Variants in LRRTM4 observed in about 807,000 individuals in gnomAD.
LRRTM4 encodes the protein leucine-rich repeat transmembrane neuronal protein 4.
A neutral mutation model predicts 47.6 loss-of-function variants in LRRTM4; 25 were observed. That is an observed-to-expected ratio of 0.53 (90% confidence interval 0.38 to 0.73). The LOEUF (loss-of-function observed/expected upper bound fraction) is 0.73. Ranked by LOEUF, LRRTM4 falls within the 30% of genes least tolerant of loss-of-function variation. The pLI is 0.00. For missense variants in LRRTM4, 638 were observed against 713.4 expected, an observed-to-expected ratio of 0.89 and a Z score of 1.20; for synonymous variants, 311 against 269.5, an observed-to-expected ratio of 1.15 and a Z score of -1.51.
At chr2:77,465,004 A>G (rs1490332473) in intron 3 of LRRTM4, among the ~76,000 whole-genome samples, 1 of 152,194 alleles carries the variant, frequency 6.6e-6, no homozygotes, top group African/African-American at 2.4e-5. Flanking sequence ...GAATCTAATT[A>G]TTCTTTACCT....
Position 77,303,371 on chromosome 2 carries a change from A to C in LRRTM4, c.1551+214947T>G, listed in dbSNP as rs1677190406. On this transcript the variant is annotated intron_variant, in intron 3 of 3. Transcript: ENST00000409884. ...CTTAAAAGTAGACTTGACTGAAGCC[A>C]GCGGATTTTAGCAGAGAAGACATTT... Among the ~76,000 whole-genome samples the C allele has an allele frequency of 2.6e-5, 4 of 152,224 alleles. No individual in the cohort carries two copies. In the South Asian group the frequency reaches 8.3e-4, roughly 32 times the overall value.
chr2:77,244,403 A>G (rs1189833438), intron 3 of LRRTM4, among the ~76,000 whole-genome samples: 1 of 152,138 alleles, frequency 6.6e-6, no homozygotes, highest in Non-Finnish European at 1.5e-5. Flanking sequence ...TAAAGCATTC[A>G]TATTAATTTT....
chr2:76,842,737 TTGTC>T (rs1239319723), intron 3 of LRRTM4, among the ~76,000 whole-genome samples: 10 of 149,402 alleles, frequency 6.7e-5, no homozygotes, highest in African/African-American at 2.5e-4. Context: ...TTTTGTTTGT[TTGTC>T]TGTTTTTAAG....
At chr2:77,249,489 TA>T (rs34249922) in intron 3 of LRRTM4, among the ~76,000 whole-genome samples, 83,321 of 150,270 alleles carry the variant, frequency 0.55, 23,345 homozygotes, top group African/African-American at 0.61. Flanking sequence ...TTGAAAATAT[TA>T]AAAAAAAAAC....
rs528078038 is a variant in LRRTM4 at position 77,131,452 on chromosome 2, G to C, written c.1552-382536C>G. ...TTAAATTCATAAAACAGAATTGATG[G>C]AGTTAGCCTGTCTTTTGCTCAGTAA... On this transcript the variant is annotated intron_variant, in intron 3 of 3. Coordinates refer to ENST00000409884, the MANE Select transcript of LRRTM4 (RefSeq NM_001134745.3). Among the ~76,000 whole-genome samples the C allele has an allele frequency of 2.2e-4, 33 of 152,290 alleles. No homozygotes were observed. The South Asian group carries it at 6.6e-3, about 31-fold the overall frequency.
At chr2:77,266,906 G>A (rs1196101974) in intron 3 of LRRTM4, among the ~76,000 whole-genome samples, 1 of 152,054 alleles carries the variant, frequency 6.6e-6, no homozygotes, top group Non-Finnish European at 1.5e-5. Context: ...AGAATAAAAG[G>A]TTGTTAAATA....
intron 3 of LRRTM4, among the ~76,000 whole-genome samples, chr2:76,796,456 G>A (rs1411081029): frequency 1.5e-5 from 2 of 133,358 alleles, no homozygotes; most frequent in Admixed American, 1.5e-4. Context: ...CTCCCAGCAT[G>A]CAGCTGGAGA....
At chr2:77,143,749 A>C (rs72911867) in intron 3 of LRRTM4, among the ~76,000 whole-genome samples, 4,361 of 152,302 alleles carry the variant, frequency 0.029, 214 homozygotes, top group African/African-American at 0.099. Flanking sequence ...GTAAGAGCCC[A>C]GTAGTAAAAT....
At chr2:77,023,701 T>TA (rs1365471361) in intron 3 of LRRTM4, among the ~76,000 whole-genome samples, 3 of 152,150 alleles carry the variant, frequency 2.0e-5, no homozygotes. Context: ...AAGTTTCTCA[T>TA]CTCCATTTGA....
At chr2:77,012,167 G>C (rs760409259) in intron 3 of LRRTM4, among the ~76,000 whole-genome samples, 1 of 152,054 alleles carries the variant, frequency 6.6e-6, no homozygotes, top group Non-Finnish European at 1.5e-5. Flanking sequence ...ATTAAATTGA[G>C]AGAATATAAA....
At chr2:77,430,685 C>A (rs970867874) in intron 3 of LRRTM4, among the ~76,000 whole-genome samples, 4 of 145,590 alleles carry the variant, frequency 2.7e-5, no homozygotes, top group Non-Finnish European at 5.9e-5. Flanking sequence ...CACGCCATTG[C>A]ACTCCAGCCT....
At chr2:76,957,212 A>G (rs765088014) in intron 3 of LRRTM4, among the ~76,000 whole-genome samples, 10 of 151,826 alleles carry the variant, frequency 6.6e-5, no homozygotes, top group African/African-American at 1.7e-4. Flanking sequence ...AAAGTGGTCA[A>G]ACTCTTAGAA....
intron 3 of LRRTM4, among the ~76,000 whole-genome samples, chr2:77,119,947 T>G (rs1671483169): frequency 6.6e-6 from 1 of 151,764 alleles, no homozygotes; most frequent in Non-Finnish European, 1.5e-5. Context: ...AGGTAACACA[T>G]AACCCTCTGA....
chr2:77,243,402 C>T (rs1461872257), intron 3 of LRRTM4, among the ~76,000 whole-genome samples: 7 of 128,900 alleles, frequency 5.4e-5, no homozygotes, highest in Non-Finnish European at 1.1e-4. Context: ...GAGAGCGAAA[C>T]TCCGTCTCAA....
At chr2:77,216,025 C>T (rs1674426828) in intron 3 of LRRTM4, among the ~76,000 whole-genome samples, 1 of 152,086 alleles carries the variant, frequency 6.6e-6, no homozygotes, top group Non-Finnish European at 1.5e-5. Context: ...TAGAGCTGGT[C>T]TAAGAAGAAA....
At chr2:77,252,082 GTC>G (rs750890020) in intron 3 of LRRTM4, among the ~76,000 whole-genome samples, 14 of 152,154 alleles carry the variant, frequency 9.2e-5, no homozygotes, top group Non-Finnish European at 1.9e-4. Flanking sequence ...CTGATGAAAA[GTC>G]AACAAATCCG....
intron 3 of LRRTM4, among the ~76,000 whole-genome samples, chr2:77,420,742 C>T (rs1331165573): frequency 6.9e-6 from 1 of 145,440 alleles, no homozygotes; most frequent in East Asian, 2.0e-4. Flanking sequence ...TTGAAGTGCT[C>T]ATTAGTCTTA....
Position 76,819,169 on chromosome 2 carries a change from G to T in LRRTM4, c.1552-70253C>A, listed in dbSNP as rs191525173. Among the ~76,000 whole-genome samples the T allele has an allele frequency of 4.0e-5, 6 of 151,706 alleles. No individual in the cohort carries two copies. In the East Asian group the frequency reaches 1.2e-3, roughly 30 times the overall value. ...CCTGTATAATTAGGAATAAGGTAAA[G>T]GTAAACAATCATAATAGCAGTCAGT... On this transcript the variant is annotated intron_variant, in intron 3 of 3. Transcript: ENST00000409884.
At position 76,943,037 on chromosome 2, in the gene LRRTM4, A is replaced by G. The variant is rs1373320068; in HGVS notation, c.1552-194121T>C. On this transcript the variant is annotated intron_variant, in intron 3 of 3. Transcript: ENST00000409884. ...TGATTTTGAGAATCATAAATAAATC[A>G]GGGACATTATGAAATACCATAAAAT... 3.9e-5 allele frequency among the ~76,000 whole-genome samples: 6 copies of G among 152,186 alleles called. No homozygotes were observed. In the East Asian group the frequency reaches 1.2e-3, roughly 29 times the overall value.
Sources: allele counts gnomAD v4.1 joint callset (sites outside exome capture counted in the v4.1 genomes callset), GRCh38; gene constraint gnomAD v4.1.1; transcripts MANE v1.5; gene names NCBI Gene and HGNC (gene_info 2026-07-23, HGNC 2026-07-21).